DPP8: variants seen among roughly 807,000 people sequenced by gnomAD.
DPP8 encodes DPP VIII.
DPP8 carries 31 observed loss-of-function variants against 107.5 expected under a neutral mutation model. That is an observed-to-expected ratio of 0.29 (90% CI 0.22 to 0.39). The LOEUF is 0.39. DPP8 is among the 10% of genes least tolerant of loss of function. The pLI is 1.00. For missense variants in DPP8, 842 were observed against 1,076.1 expected (o/e 0.78, Z 3.04); for synonymous variants, 381 against 356.6 (o/e 1.07, Z -0.77).
At chr15:65,487,964 T>TA in intron 6 of DPP8, 146 bp from the exon 7 acceptor site, 1 of 619,150 alleles carries the variant, frequency 1.6e-6, no homozygotes, top group Non-Finnish European at 2.7e-6. Flanking sequence ...AAAATATCAC[T>TA]AGTCTTTGCA....
intron 6 of DPP8, among the ~76,000 whole-genome samples, chr15:65,489,598 T>G (rs1596029092): frequency 8.5e-6 from 1 of 117,290 alleles, no homozygotes; most frequent in African/African-American, 3.3e-5. Flanking sequence ...TTTTTTTTTT[T>G]GAGTAGAGGC....
intron 17 of DPP8, among the ~76,000 whole-genome samples, chr15:65,452,880 G>A (rs897200442): frequency 6.6e-6 from 1 of 152,080 alleles, no homozygotes; most frequent in Non-Finnish European, 1.5e-5. Flanking sequence ...GCTGAAGCAC[G>A]AGAATCGCTT....
intron 16 of DPP8, 151 bp downstream of exon 16, chr15:65,456,074 A>G: frequency 1.0e-6 from 1 of 1,000,052 alleles, no homozygotes; most frequent in Non-Finnish European, 1.4e-6. Flanking sequence ...ATCAAGTTGC[A>G]TCTTCTCTCC....
intron 12 of DPP8, among the ~76,000 whole-genome samples, chr15:65,467,997 G>T (rs183964152): frequency 1.3e-5 from 2 of 151,926 alleles, no homozygotes; most frequent in Non-Finnish European, 2.9e-5. Context: ...GTGGAATAAC[G>T]GAACTAAATC....
At chr15:65,501,857 CAA>C (rs1567272323) in intron 3 of DPP8, among the ~76,000 whole-genome samples, 1 of 152,032 alleles carries the variant, frequency 6.6e-6, no homozygotes, top group Non-Finnish European at 1.5e-5. Flanking sequence ...TCTCAGCTAG[CAA>C]AGTTTTCCAA....
In DPP8 at chr15:65,445,724, A is replaced by G. The variant is rs1476231181; in HGVS notation, c.*1160T>C. 1 of 153,220 alleles carries G rather than the reference A, an allele frequency of 6.5e-6. No homozygotes were observed. 9.5% of individuals were successfully genotyped at this position (153,220 alleles called of 1,614,324 possible). On this transcript the variant is annotated 3_prime_UTR_variant, in exon 20 of 20. Transcript: ENST00000300141. ...AAGAGGAAAAAAAAAAAGAATTATA[A>G]AAGTAACTCTAAGGAACTTTTCCTC...
intron 6 of DPP8, among the ~76,000 whole-genome samples, chr15:65,488,390 A>T (rs1407448502): frequency 6.6e-6 from 1 of 151,958 alleles, no homozygotes; most frequent in Non-Finnish European, 1.5e-5. Context: ...AGTATTTTTT[A>T]AAATACAACA....
At chr15:65,466,142 TTTTC>T (rs1305764082) in intron 14 of DPP8, among the ~76,000 whole-genome samples, 6 of 152,136 alleles carry the variant, frequency 3.9e-5, no homozygotes, top group South Asian at 2.1e-4. Context: ...TTTAATCTTA[TTTTC>T]TTTATTTGTT....
chr15:65,493,643 A>T (rs1447193080), intron 5 of DPP8, among the ~76,000 whole-genome samples: 2 of 152,172 alleles, frequency 1.3e-5, no homozygotes, highest in Non-Finnish European at 2.9e-5. Flanking sequence ...TTAATTACAG[A>T]GCCAAGACTA....
Position 65,512,373 on chromosome 15 carries a change from C to G in DPP8, c.181G>C (p.Ala61Pro). The G allele has an allele frequency of 1.2e-6, 2 of 1,613,944 alleles. No homozygotes were observed. The highest frequency in any genetic ancestry group is 2.2e-5 in the South Asian group (2 of 91,074). The change falls in exon 2 of 20, where the codon GCT becomes CCT. Residue 61 changes from alanine to proline, a missense_variant. By Grantham distance (27) the Ala-to-Pro change is conservative. Around this residue, in one of 2 missense-constraint regions of DPP8, gnomAD observed 663 missense variants for 758.0 expected, o/e 0.87. Coordinates refer to ENST00000300141, the MANE Select transcript of DPP8 (RefSeq NM_130434.5). ...DTRKYHGYMM[A>P]KAPHDFMFVK... ...AACATGAAATCATGTGGTGCCTTAG[C>G]CATCATGTAGCCATGATATTTTCTG...
At chr15:65,483,763 C>A (rs948939019) in intron 8 of DPP8, among the ~76,000 whole-genome samples, 1 of 152,032 alleles carries the variant, frequency 6.6e-6, no homozygotes, top group Non-Finnish European at 1.5e-5. Flanking sequence ...TAAGCCCACA[C>A]AAAAACTTGT....
chr15:65,473,108 T>C (rs1382466474), intron 12 of DPP8, among the ~76,000 whole-genome samples: 1 of 151,184 alleles, frequency 6.6e-6, no homozygotes, highest in Non-Finnish European at 1.5e-5. Context: ...GGGAGGATCC[T>C]TCAAGCCTAG....
In DPP8 at chr15:65,474,222, C is replaced by T. The variant is rs769989987; in HGVS notation, c.1523G>A (p.Arg508Gln). 6 of 1,610,912 alleles carry T rather than the reference C, an allele frequency of 3.7e-6. No individual in the cohort carries two copies. Among genetic ancestry groups the T allele is most frequent in the South Asian group, 3.3e-5 (3 of 91,006 alleles). The change falls in exon 12 of 20, where the codon CGG becomes CAG. Residue 508 changes from arginine (R) to glutamine (Q), a missense_variant. Arg to Gln is a conservative substitution (Grantham distance 43). Coordinates refer to ENST00000300141, the MANE Select transcript of DPP8 (RefSeq NM_130434.5). ...ITSGEWEVLG[R>Q]HGSNIQVDEV... ...AAAATAACATACATTAGATCCATGC[C>T]GGCCAAGAACTTCCCATTCACCACT...
Position 65,480,306 on chromosome 15 carries a change from C to T in DPP8, c.1212G>A (p.Met404Ile). 1 of 1,613,760 alleles carries T rather than the reference C, an allele frequency of 6.2e-7. No homozygotes were observed. The highest frequency in any genetic ancestry group is 8.5e-7 in the Non-Finnish European group (1 of 1,179,922). ...CTGACTCAATGAGTCTCTGCCTTTC[C>T]ATAACATCATCTTCTACTGGGATAA... is the stretch of plus-strand genomic sequence containing the variant. ...ELFIPVEDDVMERQRLIESVP... is the reference protein window; with the variant it reads ...ELFIPVEDDVIERQRLIESVP... The change falls in exon 10 of 20, where the codon ATG becomes ATA. Residue 404 changes from methionine (M) to isoleucine (I), a missense_variant. Physicochemically the swap from Met to Ile is conservative, Grantham distance 10. Around this residue, in one of 2 missense-constraint regions of DPP8, gnomAD observed 663 missense variants for 758.0 expected, o/e 0.87. Coordinates refer to ENST00000300141, the MANE Select transcript of DPP8 (RefSeq NM_130434.5).
intron 12 of DPP8, among the ~76,000 whole-genome samples, chr15:65,469,653 CAAAAAA>C (rs61311948): frequency 2.6e-4 from 17 of 66,554 alleles, no homozygotes; most frequent in Non-Finnish European, 2.8e-4. Context: ...AACTCCGTCT[CAAAAAA>C]AAAAAAAAAA....
At chr15:65,451,190 T>G in intron 18 of DPP8, 80 bp from the exon 19 acceptor site, 1 of 799,048 alleles carries the variant, frequency 1.3e-6, no homozygotes, top group Non-Finnish European at 2.2e-6. Flanking sequence ...TAATCATACT[T>G]AACCATATTA....
chr15:65,476,630 T>C (rs1029008855), intron 11 of DPP8, among the ~76,000 whole-genome samples: 3 of 152,186 alleles, frequency 2.0e-5, no homozygotes, highest in Admixed American at 6.6e-5. Context: ...GAAAACAGTA[T>C]GGTAGCCCCT....
rs1252927660 is a variant in DPP8, at chr15:65,467,171, G to T, written c.1589C>A (p.Ser530Tyr). 1 of 1,613,980 alleles carries T rather than the reference G, an allele frequency of 6.2e-7. No homozygotes were observed. Among genetic ancestry groups the T allele is most frequent in the African/African-American group, 1.3e-5 (1 of 74,910 alleles). The part of the protein sequence containing the change: ...RLVYFEGTKD[S>Y]PLEHHLYVVS... ...TACGTACAGGTGATGCTCTAAAGGG[G>T]AGTCTTTGGTGCCTTCAAAATATAC... Residue 530 changes from serine (S) to tyrosine (Y), a missense_variant, in exon 13 of 20, where the codon TCC becomes TAC. By Grantham distance (144) the Ser-to-Tyr change is moderately radical. This residue lies in a region of DPP8 where 663 missense variants were observed against 758.0 expected (regional missense o/e 0.87). Transcript: ENST00000300141.
At chr15:65,447,326 T>A (rs925380581) in intron 19 of DPP8, among the ~76,000 whole-genome samples, 7 of 152,192 alleles carry the variant, frequency 4.6e-5, no homozygotes, top group African/African-American at 1.7e-4. Context: ...AAAGACATTA[T>A]TTGCCTTTAC....
Sources: gnomAD v4.1 joint callset for allele counts (sites outside exome capture counted in the v4.1 genomes callset) on GRCh38, gnomAD v4.1.1 for gene constraint, gnomAD v4.1.1 regional missense constraint, MANE v1.5 for transcripts, NCBI Gene and HGNC (gene_info 2026-07-23, HGNC 2026-07-21) for gene names.